FAM227A: variants seen among roughly 807,000 people sequenced by gnomAD.
FAM227A encodes the protein family with sequence similarity 227 member A, also known as protein FAM227A.
Under a neutral mutation model 74.7 loss-of-function variants are expected in FAM227A, and 80 were observed. The ratio of observed to expected loss-of-function variants is 1.07; its 90% CI spans 0.89 to 1.29. The LOEUF (loss-of-function observed/expected upper bound fraction) is 1.29, where lower values mean the gene tolerates loss of function less well. Among genes scored for constraint, FAM227A ranks in the 50% most tolerant of loss-of-function variants. The pLI is 0.00. For missense variants in FAM227A, 654 were observed against 683.4 expected, an observed-to-expected ratio of 0.96 and a Z score of 0.48; for synonymous variants, 237 against 241.8, an observed-to-expected ratio of 0.98 and a Z score of 0.19.
rs538547736 is a variant in FAM227A at position 38,653,051 on chromosome 22, T to C, written c.-94-2789A>G. 1.1e-4 allele frequency among the ~76,000 whole-genome samples: 17 copies of C among 152,178 alleles called. 1 individual carries two copies. The East Asian group carries it at 2.1e-3, about 19-fold the overall frequency. ...TGAGTGGCAGGTGAGTGAGAGAAGC[T>C]TGTCTGTATTTACAGCCACTCCCCA... On this transcript the variant is annotated intron_variant, in intron 1 of 16. Transcript: ENST00000535113.
At chr22:38,633,983 C>G (rs1014119336) in intron 6 of FAM227A, among the ~76,000 whole-genome samples, 1 of 151,860 alleles carries the variant, frequency 6.6e-6, no homozygotes, top group African/African-American at 2.4e-5. Context: ...CTTTGGGAGG[C>G]GGAGGCAGGT....
At chr22:38,590,380 C>T (rs1216992503) in intron 16 of FAM227A, among the ~76,000 whole-genome samples, 1 of 151,690 alleles carries the variant, frequency 6.6e-6, no homozygotes, top group Non-Finnish European at 1.5e-5. Flanking sequence ...TGTGCTCCAG[C>T]AAAGTGGACA....
chr22:38,593,034 T>C (rs2090970856), intron 15 of FAM227A, among the ~76,000 whole-genome samples: 1 of 152,240 alleles, frequency 6.6e-6, no homozygotes, highest in Admixed American at 6.5e-5. Flanking sequence ...TAATAGTCCA[T>C]GGTCACAGAA....
chr22:38,650,548 G>C (rs1418532273), intron 1 of FAM227A, among the ~76,000 whole-genome samples: 1 of 152,156 alleles, frequency 6.6e-6, no homozygotes, highest in Non-Finnish European at 1.5e-5. Context: ...CAGGGCTCCA[G>C]ACTACTCCAG....
At chr22:38,598,952 T>C (rs1465886040) in intron 14 of FAM227A, among the ~76,000 whole-genome samples, 1 of 146,230 alleles carries the variant, frequency 6.8e-6, no homozygotes, top group Non-Finnish European at 1.5e-5. Context: ...ACACTTGTTT[T>C]CTTTCTTTTT....
chr22:38,633,084 C>G (rs924546549), intron 6 of FAM227A, among the ~76,000 whole-genome samples: 5 of 152,152 alleles, frequency 3.3e-5, no homozygotes, highest in Non-Finnish European at 5.9e-5. Context: ...CCCAGACTCT[C>G]TAAAGCAGAG....
intron 10 of FAM227A, among the ~76,000 whole-genome samples, chr22:38,621,359 A>G (rs912493896): frequency 6.6e-6 from 1 of 150,452 alleles, no homozygotes; most frequent in Non-Finnish European, 1.5e-5. Context: ...CAAAAAAAAA[A>G]AAAAGAAAGA....
At chr22:38,610,081 TTTG>T (rs776723767) in intron 11 of FAM227A, among the ~76,000 whole-genome samples, 9 of 152,066 alleles carry the variant, frequency 5.9e-5, no homozygotes, top group Non-Finnish European at 1.3e-4. Context: ...CCATTTTTTG[TTTG>T]TTTTTAAGAG....
chr22:38,613,134 AT>A (rs2091464523), intron 11 of FAM227A, among the ~76,000 whole-genome samples: 1 of 91,612 alleles, frequency 1.1e-5, no homozygotes, highest in Admixed American at 2.0e-4. Flanking sequence ...AATTATATAT[AT>A]AATATATATA....
At chr22:38,651,746 A>G (rs2092325418) in intron 1 of FAM227A, among the ~76,000 whole-genome samples, 1 of 152,050 alleles carries the variant, frequency 6.6e-6, no homozygotes, top group Non-Finnish European at 1.5e-5. Flanking sequence ...ATAAAAGGAG[A>G]GGGAAGAAAA....
chr22:38,654,455 C>A (rs1272142735), intron 1 of FAM227A, among the ~76,000 whole-genome samples: 1 of 151,976 alleles, frequency 6.6e-6, no homozygotes, highest in Non-Finnish European at 1.5e-5. Flanking sequence ...ACTGTGCTGG[C>A]CATCAAAATA....
intron 15 of FAM227A, among the ~76,000 whole-genome samples, chr22:38,594,446 C>T (rs929891993): frequency 4.7e-4 from 72 of 152,318 alleles, no homozygotes; most frequent in African/African-American, 1.7e-3. Flanking sequence ...GTCTTATAAC[C>T]TACACTTCGG....
chr22:38,591,326 A>T, intron 16 of FAM227A, 109 bp downstream of exon 16: 1 of 1,426,128 alleles, frequency 7.0e-7, no homozygotes, highest in Non-Finnish European at 9.2e-7. Context: ...CTGTCTCAGT[A>T]AAATAAAATA....
At chr22:38,646,209 C>G (rs7289577) in intron 2 of FAM227A, among the ~76,000 whole-genome samples, 43,997 of 149,230 alleles carry the variant, frequency 0.29, 6,552 homozygotes, top group East Asian at 0.36. Flanking sequence ...ACCACCCTAA[C>G]AACTCTGTTA....
intron 5 of FAM227A, 142 bp downstream of exon 5, chr22:38,638,604 G>A (rs2092050795): frequency 4.4e-6 from 3 of 676,018 alleles, no homozygotes; most frequent in South Asian, 1.7e-5. Context: ...GGTGTTATGA[G>A]AAATTCTAGA....
At chr22:38,630,279 A>G (rs1385538954) in intron 6 of FAM227A, among the ~76,000 whole-genome samples, 1 of 152,214 alleles carries the variant, frequency 6.6e-6, no homozygotes, top group African/African-American at 2.4e-5. Flanking sequence ...GCATGGATAA[A>G]CGAGCCTCAT....
intron 3 of FAM227A, among the ~76,000 whole-genome samples, chr22:38,641,888 G>T (rs1170014453): frequency 2.0e-5 from 3 of 152,152 alleles, no homozygotes; most frequent in Non-Finnish European, 4.4e-5. Flanking sequence ...CTTCCATCTT[G>T]TGGGAGCCTG....
intron 16 of FAM227A, among the ~76,000 whole-genome samples, chr22:38,588,983 G>GA (rs1184739964): frequency 6.6e-6 from 1 of 151,876 alleles, no homozygotes; most frequent in Non-Finnish European, 1.5e-5. Flanking sequence ...AGGTTTTGGG[G>GA]AATATGTTCC....
At chr22:38,608,225 G>T (rs946750552) in intron 11 of FAM227A, among the ~76,000 whole-genome samples, 2 of 151,988 alleles carry the variant, frequency 1.3e-5, no homozygotes, top group African/African-American at 4.8e-5. Flanking sequence ...CTACTTGGGA[G>T]GCTGAGGTGG....
Sources: allele counts gnomAD v4.1 joint callset (sites outside exome capture counted in the v4.1 genomes callset), GRCh38; gene constraint gnomAD v4.1.1; transcripts MANE v1.5; gene names NCBI Gene and HGNC (gene_info 2026-07-23, HGNC 2026-07-21).